The following BABAM2 variants were observed in gnomAD, a reference collection of about 807,000 sequenced individuals.
BABAM2 encodes BRISC and BRCA1 A complex member 2.
In BABAM2, 31 loss-of-function variants were observed where a neutral mutation model predicts 54.7. The observed-to-expected ratio is 0.57, with a 90% CI of 0.43 to 0.77. The LOEUF (loss-of-function observed/expected upper bound fraction) is 0.77. Ranked by LOEUF, BABAM2 falls within the 30% of genes least tolerant of loss-of-function variation. The pLI is 0.00. For missense variants in BABAM2, 364 were observed against 455.8 expected (o/e 0.80, Z 1.83); for synonymous variants, 167 against 162.9 (o/e 1.03, Z -0.19).
chr2:28,287,772 CAG>C (rs1355020265), intron 10 of BABAM2, among the ~76,000 whole-genome samples: 1 of 152,146 alleles, frequency 6.6e-6, no homozygotes, highest in African/African-American at 2.4e-5. Flanking sequence ...GCAAAGGGGC[CAG>C]GATCCAAGTA....
At chr2:27,961,310 G>A (rs569310167) in intron 3 of BABAM2, among the ~76,000 whole-genome samples, 22 of 152,236 alleles carry the variant, frequency 1.4e-4, no homozygotes, top group Non-Finnish European at 2.4e-4. Context: ...TCCCTTTGCG[G>A]TGGTGCGAAA....
At chr2:28,079,504 A>G (rs1573536909) in intron 6 of BABAM2, among the ~76,000 whole-genome samples, 1 of 152,222 alleles carries the variant, frequency 6.6e-6, no homozygotes, top group Non-Finnish European at 1.5e-5. Context: ...ATTAGTAAAT[A>G]TAGCTTACTA....
chr2:28,274,288 C>G (rs1221320760), intron 10 of BABAM2, among the ~76,000 whole-genome samples: 1 of 152,238 alleles, frequency 6.6e-6, no homozygotes, highest in East Asian at 1.9e-4. Context: ...TCTAACCGAG[C>G]ACTCCCACCT....
intron 11 of BABAM2, among the ~76,000 whole-genome samples, chr2:28,309,731 T>C (rs1688900282): frequency 6.6e-6 from 1 of 152,204 alleles, no homozygotes; most frequent in South Asian, 2.1e-4. Flanking sequence ...TGTGGTTGTA[T>C]CTTCTTGGTA....
chr2:28,002,259 C>G (rs557394531), intron 4 of BABAM2, among the ~76,000 whole-genome samples: 6 of 152,142 alleles, frequency 3.9e-5, no homozygotes, highest in African/African-American at 1.2e-4. Flanking sequence ...CACCAAGTTC[C>G]GAAGAAAAGA....
At chr2:28,057,929 G>T (rs1678558949) in intron 6 of BABAM2, among the ~76,000 whole-genome samples, 1 of 152,058 alleles carries the variant, frequency 6.6e-6, no homozygotes, top group Admixed American at 6.6e-5. Context: ...GGATCACAAG[G>T]TCAAGAGATC....
chr2:28,310,823 G>T (rs1689010863), intron 11 of BABAM2, among the ~76,000 whole-genome samples: 2 of 152,150 alleles, frequency 1.3e-5, no homozygotes, highest in Admixed American at 1.3e-4. Flanking sequence ...GGCAGAGGTT[G>T]CAGTGAGCCA....
intron 10 of BABAM2, among the ~76,000 whole-genome samples, chr2:28,290,851 A>G (rs1264046993): frequency 2.6e-5 from 4 of 152,224 alleles, no homozygotes; most frequent in African/African-American, 7.2e-5. Context: ...TATTTTCAGT[A>G]TATCATATTT....
At chr2:27,942,929 G>A (rs901915179) in intron 3 of BABAM2, among the ~76,000 whole-genome samples, 6 of 151,736 alleles carry the variant, frequency 4.0e-5, no homozygotes, top group African/African-American at 7.3e-5. Flanking sequence ...TCAGCCTCCC[G>A]AGTAGCTGGG....
chr2:28,174,190 G>A (rs149629361), intron 7 of BABAM2, among the ~76,000 whole-genome samples: 142 of 152,232 alleles, frequency 9.3e-4, no homozygotes, highest in Non-Finnish European at 1.7e-3. Flanking sequence ...CATAAATGTA[G>A]CTTTCTGTAG....
chr2:27,928,616 G>T (rs1667878618), intron 2 of BABAM2, among the ~76,000 whole-genome samples: 1 of 152,046 alleles, frequency 6.6e-6, no homozygotes, highest in Non-Finnish European at 1.5e-5. Context: ...TTTCAACTAT[G>T]CATCCATCCG....
intron 6 of BABAM2, among the ~76,000 whole-genome samples, chr2:28,054,816 C>T (rs1254921039): frequency 6.6e-6 from 1 of 152,168 alleles, no homozygotes; most frequent in Non-Finnish European, 1.5e-5. Flanking sequence ...ACTAAGATAG[C>T]TATGCTTACC....
At chr2:28,066,163 CAAAA>C (rs529409715) in intron 6 of BABAM2, among the ~76,000 whole-genome samples, 11 of 127,530 alleles carry the variant, frequency 8.6e-5, no homozygotes, top group African/African-American at 2.5e-4. Flanking sequence ...CATCTCATCT[CAAAA>C]AAAAAATAAA....
chr2:28,041,752 T>G (rs1293390495), intron 5 of BABAM2, among the ~76,000 whole-genome samples: 1 of 152,214 alleles, frequency 6.6e-6, no homozygotes, highest in East Asian at 1.9e-4. Context: ...AATTGTTAAC[T>G]TGTCAAATTA....
intron 7 of BABAM2, among the ~76,000 whole-genome samples, chr2:28,236,090 G>A (rs1681883180): frequency 6.6e-6 from 1 of 152,014 alleles, no homozygotes; most frequent in Non-Finnish European, 1.5e-5. Context: ...ACATTAAGAA[G>A]TAATCACAAC....
intron 10 of BABAM2, among the ~76,000 whole-genome samples, chr2:28,258,124 C>T (rs963421310): frequency 2.0e-5 from 3 of 152,104 alleles, no homozygotes; most frequent in African/African-American, 7.2e-5. Flanking sequence ...TTGCTGTGAG[C>T]TGAGATCGCA....
intron 7 of BABAM2, among the ~76,000 whole-genome samples, chr2:28,181,997 G>A (rs1334648169): frequency 6.6e-6 from 1 of 152,140 alleles, no homozygotes; most frequent in Non-Finnish European, 1.5e-5. Context: ...TGAGCACAAA[G>A]GCCTGGGGTG....
intron 7 of BABAM2, among the ~76,000 whole-genome samples, chr2:28,163,997 T>A (rs1452593190): frequency 6.6e-6 from 1 of 152,194 alleles, no homozygotes; most frequent in Non-Finnish European, 1.5e-5. Flanking sequence ...CTCATGGAGT[T>A]CTCTTCTTAG....
intron 3 of BABAM2, among the ~76,000 whole-genome samples, chr2:27,960,895 A>C (rs1469734404): frequency 6.6e-6 from 1 of 152,220 alleles, no homozygotes; most frequent in Admixed American, 6.5e-5. Flanking sequence ...GAGCAAATCA[A>C]CTGCTTATGA....
Sources: gnomAD v4.1 joint callset for allele counts (sites outside exome capture counted in the v4.1 genomes callset) on GRCh38, gnomAD v4.1.1 for gene constraint, MANE v1.5 for transcripts, NCBI Gene and HGNC (gene_info 2026-07-23, HGNC 2026-07-21) for gene names.